TTC28: variants seen among roughly 807,000 people sequenced by gnomAD.
TTC28 encodes tetratricopeptide repeat domain 28, also known as tetratricopeptide repeat protein 28.
Under a neutral mutation model 198.0 loss-of-function variants are expected in TTC28, and 61 were observed. The ratio of observed to expected loss-of-function variants is 0.31; its 90% CI spans 0.25 to 0.38. The LOEUF is 0.38. Ranked by LOEUF, TTC28 falls within the 10% of genes least tolerant of loss-of-function variation. TTC28 has a pLI of 1.00. For synonymous variants in TTC28, 1,171 were observed against 1,297.8 expected (o/e 0.90, Z 2.10); for missense variants, 2,678 against 3,164.0 (o/e 0.85, Z 3.69).
At chr22:28,381,292 T>A (rs918811464) in intron 2 of TTC28, among the ~76,000 whole-genome samples, 1 of 152,098 alleles carries the variant, frequency 6.6e-6, no homozygotes, top group African/African-American at 2.4e-5. Flanking sequence ...ACCAGTCCAA[T>A]AGAAATTATA....
intron 2 of TTC28, among the ~76,000 whole-genome samples, chr22:28,361,023 A>G (rs1170237616): frequency 6.6e-6 from 1 of 152,152 alleles, no homozygotes; most frequent in East Asian, 1.9e-4. Context: ...TACTCCACCA[A>G]CCAGCCATTC....
chr22:28,379,259 A>G (rs2046460115), intron 2 of TTC28, among the ~76,000 whole-genome samples: 1 of 152,214 alleles, frequency 6.6e-6, no homozygotes, highest in Non-Finnish European at 1.5e-5. Flanking sequence ...CATATGACTC[A>G]GCAATTCTAC....
chr22:28,532,309 G>A (rs529544144), intron 2 of TTC28, among the ~76,000 whole-genome samples: 1 of 152,258 alleles, frequency 6.6e-6, no homozygotes, highest in East Asian at 1.9e-4. Context: ...AAGTCTAGAA[G>A]AAATAGATAA....
In TTC28 at chr22:28,071,338, T is replaced by C. The variant is rs560553313; in HGVS notation, c.3932+22742A>G. On this transcript the variant is annotated intron_variant, in intron 12 of 22. Coordinates refer to ENST00000397906, the MANE Select transcript of TTC28 (RefSeq NM_001145418.2). ...CAAAGACTTGGAACCAACCCAAATG[T>C]CCAACAATGATAGACTGGATTAAGA... Among the ~76,000 whole-genome samples the C allele has an allele frequency of 7.3e-5, 11 of 151,350 alleles. No homozygotes were observed. In the South Asian group the frequency reaches 1.9e-3, roughly 26 times the overall value.
intron 5 of TTC28, among the ~76,000 whole-genome samples, chr22:28,211,074 G>A (rs1926906974): frequency 6.6e-6 from 1 of 152,086 alleles, no homozygotes; most frequent in Non-Finnish European, 1.5e-5. Flanking sequence ...TTACAGACAA[G>A]CAAATGCTGA....
intron 13 of TTC28, among the ~76,000 whole-genome samples, chr22:28,021,238 G>A (rs938048541): frequency 6.6e-6 from 1 of 152,194 alleles, no homozygotes; most frequent in Non-Finnish European, 1.5e-5. Flanking sequence ...CTGCAGTAGG[G>A]CTGACCAGAT....
intron 5 of TTC28, among the ~76,000 whole-genome samples, chr22:28,254,775 A>G (rs1473981532): frequency 1.3e-5 from 2 of 152,192 alleles, no homozygotes; most frequent in Non-Finnish European, 2.9e-5. Context: ...GAGGAACCAC[A>G]CATGAATGGG....
At chr22:28,460,836 A>G (rs1330848859) in intron 2 of TTC28, among the ~76,000 whole-genome samples, 1 of 151,978 alleles carries the variant, frequency 6.6e-6, no homozygotes, top group East Asian at 1.9e-4. Context: ...GGTGTGCATC[A>G]CCACACCTGA....
chr22:28,016,446 G>A (rs952659893), intron 13 of TTC28, among the ~76,000 whole-genome samples: 9 of 152,216 alleles, frequency 5.9e-5, no homozygotes, highest in African/African-American at 9.6e-5. Flanking sequence ...GCATGGCCCC[G>A]AAGAGCCTAG....
At chr22:28,493,428 T>G (rs986974699) in intron 2 of TTC28, among the ~76,000 whole-genome samples, 1 of 152,166 alleles carries the variant, frequency 6.6e-6, no homozygotes, top group African/African-American at 2.4e-5. Context: ...AACCAATTCA[T>G]TACTGTGAAA....
At position 28,522,452 on chromosome 22, in the gene TTC28, C is replaced by T. The variant is rs146654446; in HGVS notation, c.381+107100G>A. ...GCAGTGAGCCAAGATCGTGCCATTG[C>T]ACTCCAGCCTGGGCAACAAGTGCGA... On this transcript the variant is annotated intron_variant, in intron 2 of 22. Transcript: ENST00000397906. Among the ~76,000 whole-genome samples the T allele has an allele frequency of 7.0e-3, 1,051 of 150,020 alleles. 25 individuals carry two copies. The highest frequency in any genetic ancestry group is 0.068 in the East Asian group (346 of 5,072).
intron 6 of TTC28, among the ~76,000 whole-genome samples, chr22:28,127,645 A>G (rs1433353882): frequency 6.6e-6 from 1 of 152,228 alleles, no homozygotes; most frequent in African/African-American, 2.4e-5. Flanking sequence ...ATATTTTTAT[A>G]TACTGGGTTA....
intron 5 of TTC28, among the ~76,000 whole-genome samples, chr22:28,169,351 C>T (rs1414843561): frequency 1.3e-5 from 2 of 152,152 alleles, no homozygotes; most frequent in African/African-American, 2.4e-5. Context: ...ATAAATCATG[C>T]TGCTATAAAG....
chr22:28,636,191 T>C (rs1569075236), intron 1 of TTC28, among the ~76,000 whole-genome samples: 1 of 126,082 alleles, frequency 7.9e-6, no homozygotes, highest in Non-Finnish European at 1.6e-5. Context: ...AGTGGCACGA[T>C]CTTGGCTCAC....
rs1017409986 is a variant in TTC28 at position 27,997,251 on chromosome 22, G to A, written c.5120-992C>T. Among the ~76,000 whole-genome samples the A allele has an allele frequency of 3.9e-5, 6 of 152,386 alleles. No individual in the cohort carries two copies. In the East Asian group the frequency reaches 1.2e-3, roughly 29 times the overall value. On this transcript the variant is annotated intron_variant, in intron 16 of 22. Transcript: ENST00000397906. ...CAGAACCAAGGGACGGCCGTGAGGT[G>A]ACTAGGCAGGGCAGGGTATATGCCT...
chr22:28,060,882 T>C (rs1940502322), intron 12 of TTC28, among the ~76,000 whole-genome samples: 1 of 152,226 alleles, frequency 6.6e-6, no homozygotes, highest in Non-Finnish European at 1.5e-5. Flanking sequence ...CCAGCACCTG[T>C]TGTTTCCTGA....
intron 2 of TTC28, among the ~76,000 whole-genome samples, chr22:28,362,588 A>G (rs1351002286): frequency 6.6e-6 from 1 of 152,180 alleles, no homozygotes; most frequent in Non-Finnish European, 1.5e-5. Flanking sequence ...GGCTCAGAAG[A>G]AGACAGGAAA....
chr22:28,099,522 T>C (rs753812823), intron 9 of TTC28, among the ~76,000 whole-genome samples: 7 of 152,160 alleles, frequency 4.6e-5, no homozygotes, highest in Non-Finnish European at 8.8e-5. Context: ...GCCCACTGAC[T>C]TCCCTCGGAC....
At chr22:28,591,036 C>CATAT (rs1781161613) in intron 2 of TTC28, among the ~76,000 whole-genome samples, 4 of 29,304 alleles carry the variant, frequency 1.4e-4, no homozygotes, top group East Asian at 1.4e-3. Flanking sequence ...CACACACACA[C>CATAT]ACACATATAT....
Sources: gnomAD v4.1 joint callset for allele counts (sites outside exome capture counted in the v4.1 genomes callset) on GRCh38, gnomAD v4.1.1 for gene constraint, MANE v1.5 for transcripts, NCBI Gene and HGNC (gene_info 2026-07-23, HGNC 2026-07-21) for gene names.